MTHFD2L: variants seen among roughly 807,000 people sequenced by gnomAD.
The protein encoded by MTHFD2L is bifunctional methylenetetrahydrofolate dehydrogenase/cyclohydrolase 2, mitochondrial.
In MTHFD2L, 29 loss-of-function variants were observed where a neutral mutation model predicts 34.9. That is an observed-to-expected ratio of 0.83 (90% CI 0.62 to 1.13). The LOEUF is 1.13. Ranked by LOEUF, MTHFD2L falls within the 50% of genes most tolerant of loss-of-function variation. The pLI is 0.00. For synonymous variants in MTHFD2L, 167 were observed against 155.7 expected (o/e 1.07, Z -0.54); for missense variants, 481 against 446.5 (o/e 1.08, Z -0.70).
chr4:74,122,076 G>GCAATT (rs1305645688), upstream of MTHFD2L, among the ~76,000 whole-genome samples: 8 of 151,928 alleles, frequency 5.3e-5, no homozygotes, highest in African/African-American at 1.9e-4. Context: ...AATATATTCA[G>GCAATT]CAATTCTTTT....
intron 1 of MTHFD2L, among the ~76,000 whole-genome samples, chr4:74,148,063 A>G (rs747781206): frequency 5.3e-5 from 8 of 152,046 alleles, no homozygotes; most frequent in Non-Finnish European, 1.0e-4. Flanking sequence ...TAAGGGTCCA[A>G]CTTCGTTCTT....
chr4:74,215,111 C>T (rs898072401), intron 5 of MTHFD2L, among the ~76,000 whole-genome samples: 2 of 151,834 alleles, frequency 1.3e-5, no homozygotes, highest in Non-Finnish European at 2.9e-5. Context: ...GTGAGAATTT[C>T]AAGCTAGTGG....
intron 1 of MTHFD2L, among the ~76,000 whole-genome samples, chr4:74,142,003 C>T (rs1233691193): frequency 6.6e-6 from 1 of 152,084 alleles, no homozygotes; most frequent in Non-Finnish European, 1.5e-5. Context: ...CAGCTTGAGC[C>T]TAAGCTGGGC....
At chr4:74,184,716 C>G (rs1267372742) in intron 3 of MTHFD2L, among the ~76,000 whole-genome samples, 1 of 152,060 alleles carries the variant, frequency 6.6e-6, no homozygotes, top group Admixed American at 6.6e-5. Flanking sequence ...AGATAATACC[C>G]TTTCTTCAAG....
upstream of MTHFD2L, among the ~76,000 whole-genome samples, chr4:74,155,210 C>T (rs980119399): frequency 3.0e-4 from 45 of 152,252 alleles, no homozygotes; most frequent in Admixed American, 2.7e-3. Context: ...CAGTCTTTCC[C>T]GTGAGATTGT....
At chr4:74,217,434 G>C (rs990784452) in intron 5 of MTHFD2L, among the ~76,000 whole-genome samples, 7 of 151,832 alleles carry the variant, frequency 4.6e-5, no homozygotes, top group Admixed American at 3.3e-4. Flanking sequence ...GTCTAAAAGA[G>C]ATCTCAGGCT....
intron 7 of MTHFD2L, among the ~76,000 whole-genome samples, chr4:74,291,312 G>A (rs1177379725): frequency 6.6e-6 from 1 of 151,808 alleles, no homozygotes; most frequent in African/African-American, 2.4e-5. Flanking sequence ...TTCGTGCCTG[G>A]CCCATTTCTT....
chr4:74,134,293 T>C (rs1722749821), intron 1 of MTHFD2L, among the ~76,000 whole-genome samples: 1 of 152,138 alleles, frequency 6.6e-6, no homozygotes, highest in Non-Finnish European at 1.5e-5. Flanking sequence ...AGAAATCATG[T>C]AGCAAGTATG....
chr4:74,166,717 A>C (rs533045314), intron 1 of MTHFD2L, among the ~76,000 whole-genome samples: 1 of 152,030 alleles, frequency 6.6e-6, no homozygotes, highest in African/African-American at 2.4e-5. Flanking sequence ...GGCCTGCACT[A>C]ATGCCAGGGC....
chr4:74,297,133 T>A (rs1020973803), intron 7 of MTHFD2L, among the ~76,000 whole-genome samples: 1 of 152,116 alleles, frequency 6.6e-6, no homozygotes, highest in African/African-American at 2.4e-5. Flanking sequence ...AGTCTAAAGT[T>A]TGCAGAGAGG....
intron 3 of MTHFD2L, among the ~76,000 whole-genome samples, chr4:74,196,897 G>T (rs1733574860): frequency 1.4e-5 from 2 of 144,436 alleles, no homozygotes; most frequent in South Asian, 4.4e-4. Context: ...AGTGACCTGA[G>T]ATCATACCAC....
intron 1 of MTHFD2L, among the ~76,000 whole-genome samples, chr4:74,138,883 G>A (rs926509802): frequency 1.2e-4 from 18 of 152,146 alleles, no homozygotes; most frequent in Admixed American, 1.2e-3. Flanking sequence ...GCTCTCAGGC[G>A]ATATAGATTT....
chr4:74,125,671 T>G (rs1187125867), intron 1 of MTHFD2L, among the ~76,000 whole-genome samples: 1 of 152,106 alleles, frequency 6.6e-6, no homozygotes, highest in Non-Finnish European at 1.5e-5. Flanking sequence ...TTTTTTTCAA[T>G]GATAGAAAAA....
At chr4:74,127,345 A>G (rs1168286940) in intron 1 of MTHFD2L, among the ~76,000 whole-genome samples, 1 of 152,140 alleles carries the variant, frequency 6.6e-6, no homozygotes, top group Non-Finnish European at 1.5e-5. Flanking sequence ...ACAATGTCTT[A>G]TTTCTTTCAA....
intron 5 of MTHFD2L, among the ~76,000 whole-genome samples, chr4:74,215,695 C>G (rs556992131): frequency 6.6e-6 from 1 of 151,786 alleles, no homozygotes; most frequent in South Asian, 2.1e-4. Flanking sequence ...ACTAAAAATT[C>G]CACCCTCACG....
At chr4:74,219,621 A>G (rs2110106088) in intron 5 of MTHFD2L, among the ~76,000 whole-genome samples, 1 of 152,236 alleles carries the variant, frequency 6.6e-6, no homozygotes. Context: ...TTTAAGAGGA[A>G]AGCTAGGTGT....
intron 5 of MTHFD2L, among the ~76,000 whole-genome samples, chr4:74,211,439 A>C (rs1019957220): frequency 1.3e-5 from 2 of 152,298 alleles, no homozygotes. Context: ...CTATTGAGAT[A>C]ATCATGTGGT....
chr4:74,174,764 A>T, intron 2 of MTHFD2L, 74 bp downstream of exon 2: 81 of 1,029,300 alleles, frequency 7.9e-5, no homozygotes, highest in Non-Finnish European at 1.0e-4. Context: ...ATAATTATGA[A>T]TGATAATTAT....
chr4:74,169,208 TTAAAG>T (rs1274850227), intron 1 of MTHFD2L, among the ~76,000 whole-genome samples: 2 of 152,226 alleles, frequency 1.3e-5, no homozygotes, highest in Non-Finnish European at 2.9e-5. Flanking sequence ...GTGCTATAAT[TTAAAG>T]TAAACCCTGA....
Sources: allele counts gnomAD v4.1 joint callset (sites outside exome capture counted in the v4.1 genomes callset), GRCh38; gene constraint gnomAD v4.1.1; transcripts MANE v1.5; gene names NCBI Gene and HGNC (gene_info 2026-07-23, HGNC 2026-07-21).